Variants in NRP1 observed in about 807,000 individuals in gnomAD.
NRP1 encodes the protein neuropilin-1.
In NRP1, 35 loss-of-function variants were observed where a neutral mutation model predicts 106.7. The observed-to-expected ratio is 0.33, with a 90% CI of 0.25 to 0.43. The LOEUF (loss-of-function observed/expected upper bound fraction) is 0.43. Among genes scored for constraint, NRP1 ranks in the 20% least tolerant of loss-of-function variants. The probability of loss-of-function intolerance (pLI) is 1.00; values close to 1 mark genes in which losing one functional copy is unlikely to be tolerated. For missense variants in NRP1, 1,024 were observed against 1,170.4 expected, an observed-to-expected ratio of 0.87 and a Z score of 1.83; for synonymous variants, 437 against 417.9, an observed-to-expected ratio of 1.05 and a Z score of -0.56.
intron 2 of NRP1, among the ~76,000 whole-genome samples, chr10:33,300,775 T>C (rs926903887): frequency 6.6e-6 from 1 of 152,188 alleles, no homozygotes; most frequent in African/African-American, 2.4e-5. Flanking sequence ...GCCCCTCCCC[T>C]GCTTTGAGTT....
At position 33,178,722 on chromosome 10, in the gene NRP1, G is replaced by A. The variant is rs13324; in HGVS notation, c.*1354C>T. Reference sequence around the variant, plus strand: ...TTGGGTCTCACTTGAAAGCCAATTTGTATTATTTCTTTCCTCAACTTATCA... The same window carrying A: ...TTGGGTCTCACTTGAAAGCCAATTTATATTATTTCTTTCCTCAACTTATCA... On this transcript the variant is annotated 3_prime_UTR_variant, in exon 17 of 17. Coordinates refer to ENST00000374867, the MANE Select transcript of NRP1 (RefSeq NM_003873.7). 55,602 of 152,248 alleles carry A rather than the reference G, an allele frequency of 0.37. 11,214 individuals are homozygous for A. Among genetic ancestry groups the A allele is most frequent in the East Asian group, 0.61 (3,160 of 5,162 alleles). 9.4% of individuals were successfully genotyped at this position (152,248 alleles called of 1,614,324 possible). A position where few individuals can be genotyped will look rare whatever the true frequency, so the allele number is the denominator to read the frequency against.
intron 13 of NRP1, among the ~76,000 whole-genome samples, chr10:33,190,791 T>A (rs1256665332): frequency 6.6e-6 from 1 of 152,114 alleles, no homozygotes; most frequent in Non-Finnish European, 1.5e-5. Flanking sequence ...TGTGTGTGTG[T>A]ATGTGTGTGT....
chr10:33,290,160 T>A lies in NRP1; in HGVS notation c.249-19304A>T, dbSNP rs4934864. Among the ~76,000 whole-genome samples, 16 of 151,690 alleles carry A rather than the reference T, an allele frequency of 1.1e-4. No homozygotes were observed. The East Asian group carries it at 2.9e-3, about 28-fold the overall frequency. The stretch of plus-strand genomic sequence containing the variant: ...TGAGGATGTATAGAATGCCTATATG[T>A]GATACGTCTATATGTGCATATATTT... On this transcript the variant is annotated intron_variant, in intron 2 of 16. Transcript: ENST00000374867.
In NRP1 at chr10:33,270,665, G is replaced by A. The variant is rs1843243828; in HGVS notation, c.430+10C>T. 6.2e-7 allele frequency: 1 copy of A among 1,605,294 alleles called. No homozygotes were observed. On this transcript the variant is annotated intron_variant, in intron 3 of 16. Transcript: ENST00000374867. ...AGTCATTCTTGTTCTACCGTAAGCT[G>A]TTCACTCACCTCTCTTGAAAATTTC...
intron 2 of NRP1, among the ~76,000 whole-genome samples, chr10:33,307,273 CCTAT>C (rs987143008): frequency 3.3e-5 from 5 of 152,144 alleles, no homozygotes; most frequent in African/African-American, 1.2e-4. Context: ...GTAGATCAAA[CCTAT>C]CTGACTGCTT....
chr10:33,199,831 C>T (rs1340182007), intron 11 of NRP1, among the ~76,000 whole-genome samples: 5 of 152,122 alleles, frequency 3.3e-5, no homozygotes, highest in East Asian at 1.9e-4. Context: ...AGATTTGTGA[C>T]GATCTTTATT....
intron 10 of NRP1, among the ~76,000 whole-genome samples, chr10:33,206,567 CAA>C (rs35612091): frequency 0.26 from 39,159 of 151,976 alleles, 5,635 homozygotes; most frequent in East Asian, 0.6. Flanking sequence ...TTTGGTAGCT[CAA>C]GACACAAATA....
At chr10:33,299,916 C>G (rs956720343) in intron 2 of NRP1, among the ~76,000 whole-genome samples, 4 of 152,176 alleles carry the variant, frequency 2.6e-5, no homozygotes, top group African/African-American at 9.6e-5. Flanking sequence ...CATCTGAACT[C>G]TTGGTTATTG....
chr10:33,272,944 G>A (rs1564444621), intron 2 of NRP1, among the ~76,000 whole-genome samples: 1 of 152,114 alleles, frequency 6.6e-6, no homozygotes, highest in Admixed American at 6.5e-5. Flanking sequence ...GTTCCTCTCA[G>A]GTAGCAGAGA....
intron 6 of NRP1, among the ~76,000 whole-genome samples, chr10:33,237,573 CTTCT>C (rs1840670925): frequency 8.0e-6 from 1 of 125,066 alleles, no homozygotes. Context: ...TATTTTCCTT[CTTCT>C]TTTTTTTTTT....
chr10:33,329,583 A>G (rs1848128471), intron 2 of NRP1, among the ~76,000 whole-genome samples: 1 of 152,246 alleles, frequency 6.6e-6, no homozygotes. Context: ...TAGTCTGTAG[A>G]TATCATATAC....
At chr10:33,207,848 C>A in intron 9 of NRP1, 132 bp from the exon 10 acceptor site, 2 of 786,262 alleles carry the variant, frequency 2.5e-6, no homozygotes, top group Non-Finnish European at 2.0e-6. Context: ...CTTTGTGGTA[C>A]ATCTCTTTCA....
chr10:33,228,173 T>G (rs922177557), intron 6 of NRP1, among the ~76,000 whole-genome samples: 2 of 152,134 alleles, frequency 1.3e-5, no homozygotes, highest in African/African-American at 2.4e-5. Flanking sequence ...TGGCAAATAT[T>G]TTTTTAAAGG....
At chr10:33,326,842 T>C (rs1847924260) in intron 2 of NRP1, among the ~76,000 whole-genome samples, 1 of 152,200 alleles carries the variant, frequency 6.6e-6, no homozygotes, top group Non-Finnish European at 1.5e-5. Flanking sequence ...AATTAACTCA[T>C]GAACTGGGTC....
At chr10:33,194,788 G>A (rs1039237167) in intron 12 of NRP1, 8 of 519,940 alleles carry the variant, frequency 1.5e-5, no homozygotes, top group South Asian at 1.0e-4. Context: ...TGGCTAGAAA[G>A]ACAAACACAC....
intron 6 of NRP1, among the ~76,000 whole-genome samples, chr10:33,252,996 G>GTTT (rs35881919): frequency 2.1e-5 from 3 of 144,928 alleles, no homozygotes; most frequent in Non-Finnish European, 4.6e-5. Flanking sequence ...TCATCTTGTG[G>GTTT]TTTTTTTTTT....
rs1052239567 is a variant in NRP1 at position 33,218,446 on chromosome 10, C to T, written c.1282+3273G>A. On this transcript the variant is annotated intron_variant, in intron 8 of 16. Coordinates refer to ENST00000374867, the MANE Select transcript of NRP1 (RefSeq NM_003873.7). ...CTGCAAGCTCTGCCTCCTGGGTTCA[C>T]GCCATTCTCCTGCCTCAGCCTTCTG... is the stretch of plus-strand genomic sequence containing the variant. Among the ~76,000 whole-genome samples the T allele has an allele frequency of 5.9e-5, 9 of 151,428 alleles. 1 individual carries two copies. In the South Asian group the frequency reaches 1.0e-3, roughly 18 times the overall value.
chr10:33,211,104 G>A (rs1838268194), intron 9 of NRP1, among the ~76,000 whole-genome samples: 1 of 152,224 alleles, frequency 6.6e-6, no homozygotes, highest in South Asian at 2.1e-4. Context: ...TTTTGTGAAA[G>A]TTGAAAGATG....
chr10:33,183,997 C>CCCTT (rs1044683213), intron 15 of NRP1, among the ~76,000 whole-genome samples: 1 of 150,666 alleles, frequency 6.6e-6, no homozygotes, highest in Non-Finnish European at 1.5e-5. Context: ...TTTCTTTTCT[C>CCCTT]CCTTCCTTCC....
Sources: allele counts gnomAD v4.1 joint callset (sites outside exome capture counted in the v4.1 genomes callset), GRCh38; gene constraint gnomAD v4.1.1; transcripts MANE v1.5; gene names NCBI Gene and HGNC (gene_info 2026-07-23, HGNC 2026-07-21).